ZFAT: variants seen among roughly 807,000 people sequenced by gnomAD.
ZFAT encodes the protein zinc finger and AT-hook domain containing.
A neutral mutation model predicts 117.7 loss-of-function variants in ZFAT; 64 were observed. The observed-to-expected ratio is 0.54, with a 90% CI of 0.44 to 0.67. ZFAT has a LOEUF of 0.67. Ranked by LOEUF, ZFAT falls within the 30% of genes least tolerant of loss-of-function variation. The probability of loss-of-function intolerance (pLI) is 0.00; values close to 1 mark genes in which losing one functional copy is unlikely to be tolerated. For missense variants in ZFAT, 1,433 were observed against 1,584.5 expected, an observed-to-expected ratio of 0.90 and a Z score of 1.62; for synonymous variants, 679 against 615.0, an observed-to-expected ratio of 1.10 and a Z score of -1.54.
intron 1 of ZFAT, among the ~76,000 whole-genome samples, chr8:134,670,699 A>G (rs1832517695): frequency 6.6e-6 from 1 of 152,246 alleles, no homozygotes; most frequent in Non-Finnish European, 1.5e-5. Context: ...AGAACTAAAG[A>G]AGCAAGAGCA....
At chr8:134,830,967 GTTA>G in the ZFAT span, among the ~76,000 whole-genome samples, 2 of 152,170 alleles carry the variant, frequency 1.3e-5, no homozygotes, top group Middle Eastern at 3.2e-3. Flanking sequence ...AAAAGCACTG[GTTA>G]TTCACAATCA....
chr8:134,704,629 T>C (rs996078495), intron 1 of ZFAT, among the ~76,000 whole-genome samples: 3 of 152,196 alleles, frequency 2.0e-5, no homozygotes, highest in African/African-American at 7.2e-5. Flanking sequence ...AAAGCTGTAG[T>C]AATCAAGGCA....
chr8:134,670,056 C>A (rs919226096), intron 1 of ZFAT, among the ~76,000 whole-genome samples: 18 of 152,334 alleles, frequency 1.2e-4, no homozygotes, highest in African/African-American at 4.1e-4. Context: ...AGCTAACTAT[C>A]CTAAATATAT....
At chr8:134,574,379 A>G (rs902591160) in intron 10 of ZFAT, among the ~76,000 whole-genome samples, 2 of 151,998 alleles carry the variant, frequency 1.3e-5, no homozygotes, top group Non-Finnish European at 2.9e-5. Flanking sequence ...GGGATCTATG[A>G]AGCCCCAGCC....
At chr8:134,609,914 T>C (rs902227969) in intron 4 of ZFAT, among the ~76,000 whole-genome samples, 1 of 152,210 alleles carries the variant, frequency 6.6e-6, no homozygotes, top group Non-Finnish European at 1.5e-5. Context: ...TTTCCCACTG[T>C]CTTGATCTTA....
intron 15 of ZFAT, among the ~76,000 whole-genome samples, chr8:134,498,330 C>G (rs1448341687): frequency 1.3e-5 from 2 of 149,538 alleles, no homozygotes; most frequent in South Asian, 4.4e-4. Context: ...TGGGGTGGAG[C>G]TGGGATGCCC....
chr8:134,808,394 C>T, the ZFAT span, among the ~76,000 whole-genome samples: 11 of 152,318 alleles, frequency 7.2e-5, no homozygotes, highest in East Asian at 1.2e-3. Flanking sequence ...ACTCTTTTGC[C>T]TTTATTTTCT....
intron 10 of ZFAT, 31 bp from the exon 11 acceptor site, chr8:134,565,452 C>T (rs374474239): frequency 2.5e-6 from 4 of 1,603,826 alleles, no homozygotes; most frequent in Admixed American, 1.7e-5. Context: ...AGATGAGCGT[C>T]GCCAGGCCAA....
chr8:134,771,026 C>T, the ZFAT span, among the ~76,000 whole-genome samples: 1 of 152,190 alleles, frequency 6.6e-6, no homozygotes, highest in African/African-American at 2.4e-5. Flanking sequence ...TTGCCTCAGT[C>T]CTGTGGTCCT....
the ZFAT span, among the ~76,000 whole-genome samples, chr8:134,759,857 G>C: frequency 6.6e-6 from 1 of 151,524 alleles, no homozygotes; most frequent in African/African-American, 2.4e-5. Context: ...TGTAATTCCA[G>C]CTACTCGGGA....
intron 1 of ZFAT, among the ~76,000 whole-genome samples, chr8:134,708,265 C>T (rs1266804170): frequency 6.6e-6 from 1 of 152,148 alleles, no homozygotes; most frequent in Non-Finnish European, 1.5e-5. Context: ...AGACATATTG[C>T]ACAGCATGGT....
intron 11 of ZFAT, among the ~76,000 whole-genome samples, chr8:134,536,926 A>T (rs1821884225): frequency 6.6e-6 from 1 of 152,236 alleles, no homozygotes; most frequent in African/African-American, 2.4e-5. Context: ...GAAGATATAA[A>T]CTGGCTCCAC....
the ZFAT span, chr8:134,723,126 G>T: frequency 3.3e-4 from 51 of 152,362 alleles, no homozygotes; most frequent in African/African-American, 1.2e-3. Flanking sequence ...CGTTACAGCA[G>T]TCACAGAAAA....
chr8:134,669,731 G>C lies in ZFAT; in HGVS notation c.20-11994C>G, dbSNP rs532545661. ...ATAACCAGCTAACATCATTATGACAGGATCAAATTCACACATAACAATATT... is the reference window on the plus strand; with the variant it reads ...ATAACCAGCTAACATCATTATGACACGATCAAATTCACACATAACAATATT... On this transcript the variant is annotated intron_variant, in intron 1 of 15. Coordinates refer to ENST00000377838, the MANE Select transcript of ZFAT (RefSeq NM_020863.4). Among the ~76,000 whole-genome samples the C allele has an allele frequency of 1.1e-4, 17 of 152,232 alleles. No homozygotes were observed. In the East Asian group the frequency reaches 2.9e-3, roughly 26 times the overall value.
chr8:134,567,587 T>TA, intron 10 of ZFAT, among the ~76,000 whole-genome samples: 1 of 152,122 alleles, frequency 6.6e-6, no homozygotes, highest in South Asian at 2.1e-4. Flanking sequence ...TCCCACAGTC[T>TA]AGCCATCAGA....
chr8:134,714,112 C>A (rs535963947), upstream of ZFAT, among the ~76,000 whole-genome samples: 28 of 135,280 alleles, frequency 2.1e-4, 1 homozygote, highest in Admixed American at 1.9e-3. Flanking sequence ...GACATGCCCC[C>A]CCCCCCCCAA....
rs140396352 is a variant in ZFAT at position 134,700,509 on chromosome 8, C to G, written c.19+12336G>C. Among the ~76,000 whole-genome samples, 1,416 of 152,324 alleles carry G rather than the reference C, an allele frequency of 9.3e-3. 8 individuals are homozygous for G. The highest frequency in any genetic ancestry group is 0.024 in the Middle Eastern group (7 of 294). On this transcript the variant is annotated intron_variant, in intron 1 of 15. Transcript: ENST00000377838. ...GCACCTCCAGCAGGAGAGCAGCCGGCTGAGCACACTCCCCTCCCTCCACCC... is the reference window on the plus strand; with the variant it reads ...GCACCTCCAGCAGGAGAGCAGCCGGGTGAGCACACTCCCCTCCCTCCACCC...
At chr8:134,725,919 G>A in the ZFAT span, among the ~76,000 whole-genome samples, 9 of 152,248 alleles carry the variant, frequency 5.9e-5, no homozygotes, top group East Asian at 3.9e-4. Context: ...TCATTAATCC[G>A]TTCAATTCAT....
chr8:134,684,108 CAG>C (rs1177569133), intron 1 of ZFAT, among the ~76,000 whole-genome samples: 11 of 152,048 alleles, frequency 7.2e-5, no homozygotes, highest in African/African-American at 2.4e-5. Flanking sequence ...CTGAAAAAAA[CAG>C]AGACACACAG....
Sources: allele counts gnomAD v4.1 joint callset (sites outside exome capture counted in the v4.1 genomes callset), GRCh38; gene constraint gnomAD v4.1.1; transcripts MANE v1.5; gene names NCBI Gene and HGNC (gene_info 2026-07-23, HGNC 2026-07-21).